The following ADAM9 variants were observed in gnomAD, a reference collection of about 807,000 sequenced individuals.
ADAM9 encodes the protein disintegrin and metalloproteinase domain-containing protein 9.
Under a neutral mutation model 108.1 loss-of-function variants are expected in ADAM9, and 54 were observed. The ratio of observed to expected loss-of-function variants is 0.50; its 90% CI spans 0.40 to 0.63. ADAM9 has a LOEUF of 0.63. ADAM9 is among the 20% of genes least tolerant of loss of function. ADAM9 has a pLI of 0.00. For synonymous variants in ADAM9, 316 were observed against 336.0 expected (o/e 0.94, Z 0.65); for missense variants, 830 against 997.7 (o/e 0.83, Z 2.26).
At position 39,103,967 on chromosome 8, in the gene ADAM9, C is replaced by G. The variant is rs776422935; in HGVS notation, c.*267C>G. The G allele has an allele frequency of 1.6e-6, 1 of 614,152 alleles. No homozygotes were observed. The highest frequency in any genetic ancestry group is 2.1e-5 in the Admixed American group (1 of 47,418). 38.0% of individuals were successfully genotyped at this position (614,152 alleles called of 1,614,324 possible). A position where few individuals can be genotyped will look rare whatever the true frequency, so the allele number is the denominator to read the frequency against. On this transcript the variant is annotated 3_prime_UTR_variant, in exon 22 of 22. Transcript: ENST00000487273. ...TTCAGTCATCGGTGAGGTTAATGCA[C>G]TAATCATGGATTTTTTGAACATGTT...
chr8:39,085,206 G>A (rs1839148506), intron 18 of ADAM9, among the ~76,000 whole-genome samples: 1 of 151,976 alleles, frequency 6.6e-6, no homozygotes, highest in Admixed American at 6.6e-5. Context: ...TAAATTTACT[G>A]TCTTGATATT....
At chr8:39,050,056 T>C (rs534029082) in intron 12 of ADAM9, among the ~76,000 whole-genome samples, 131 of 152,308 alleles carry the variant, frequency 8.6e-4, no homozygotes, top group Non-Finnish European at 1.5e-3. Flanking sequence ...CTTGGCAGTT[T>C]TTTTCTTTCA....
chr8:39,013,924 T>C, intron 3 of ADAM9, 41 bp from the exon 4 acceptor site: 2 of 1,477,580 alleles, frequency 1.4e-6, no homozygotes, highest in Non-Finnish European at 1.9e-6. Flanking sequence ...TAGTTGTAGA[T>C]AGATAACATA....
chr8:39,055,665 C>T lies in ADAM9; in HGVS notation c.1484C>T (p.Pro495Leu), dbSNP rs998741260. The change falls in exon 14 of 22, where the codon CCA (proline) becomes CTA (leucine). Residue 495 changes from proline to leucine, a missense_variant. Physicochemically the swap from Pro to Leu is moderately conservative, Grantham distance 98. Transcript: ENST00000487273. The stretch of plus-strand genomic sequence containing the variant: ...AATGGTTCTTCTCAGTTCTGTCAGC[C>T]AGATGTTTTTATTCAGAATGGATAT... ...YCNGSSQFCQ[P>L]DVFIQNGYPC... The T allele has an allele frequency of 1.2e-5, 20 of 1,613,738 alleles. No individual in the cohort carries two copies. Among genetic ancestry groups the T allele is most frequent in the Non-Finnish European group, 1.6e-5 (19 of 1,179,770 alleles).
At chr8:39,101,654 G>A (rs751927910) in intron 20 of ADAM9, among the ~76,000 whole-genome samples, 4 of 151,948 alleles carry the variant, frequency 2.6e-5, no homozygotes, top group Non-Finnish European at 4.4e-5. Flanking sequence ...CTTGGGTCCC[G>A]TCCCCAAAAT....
chr8:39,006,639 G>A (rs1053322553), intron 1 of ADAM9, among the ~76,000 whole-genome samples: 2 of 151,576 alleles, frequency 1.3e-5, no homozygotes, highest in Admixed American at 6.6e-5. Context: ...CTTATCGAGA[G>A]ACTATGTATT....
At chr8:39,010,908 TGTG>T (rs1200785360) in intron 2 of ADAM9, among the ~76,000 whole-genome samples, 1 of 151,844 alleles carries the variant, frequency 6.6e-6, no homozygotes, top group Non-Finnish European at 1.5e-5. Flanking sequence ...GCCTTACCAA[TGTG>T]GTGAAACCCC....
intron 20 of ADAM9, among the ~76,000 whole-genome samples, chr8:39,100,147 A>ACAGG (rs1839642626): frequency 1.3e-5 from 2 of 151,812 alleles, no homozygotes; most frequent in South Asian, 4.2e-4. Context: ...TGTTGTGATT[A>ACAGG]CAGGCGCCTG....
At chr8:39,094,422 G>T (rs1839440091) in intron 20 of ADAM9, among the ~76,000 whole-genome samples, 2 of 152,118 alleles carry the variant, frequency 1.3e-5, no homozygotes, top group African/African-American at 4.8e-5. Flanking sequence ...TGGTTTCAGG[G>T]TAATGCTGGC....
At chr8:38,999,328 CTTTTT>C (rs33913641) in intron 1 of ADAM9, among the ~76,000 whole-genome samples, 3 of 147,452 alleles carry the variant, frequency 2.0e-5, no homozygotes, top group Non-Finnish European at 3.0e-5. Flanking sequence ...TTTCAGTAAA[CTTTTT>C]TTTTTTTTTT....
intron 19 of ADAM9, among the ~76,000 whole-genome samples, chr8:39,090,775 AT>A (rs1839328571): frequency 6.6e-6 from 1 of 152,182 alleles, no homozygotes; most frequent in South Asian, 2.1e-4. Context: ...CCCCATCTGC[AT>A]TTTTGAAGTT....
At chr8:39,039,412 A>G (rs1837386836) in intron 11 of ADAM9, among the ~76,000 whole-genome samples, 1 of 152,214 alleles carries the variant, frequency 6.6e-6, no homozygotes, top group Non-Finnish European at 1.5e-5. Context: ...GTGTGTGGCA[A>G]AGAGCACCTA....
At chr8:39,022,436 A>G (rs957654041) in intron 8 of ADAM9, among the ~76,000 whole-genome samples, 2 of 152,192 alleles carry the variant, frequency 1.3e-5, no homozygotes, top group Non-Finnish European at 2.9e-5. Context: ...TTAACTCTGT[A>G]TTATATAACA....
intron 18 of ADAM9, among the ~76,000 whole-genome samples, chr8:39,088,028 GA>G (rs1839229944): frequency 6.6e-6 from 1 of 152,042 alleles, no homozygotes; most frequent in African/African-American, 2.4e-5. Context: ...AATCATAAGA[GA>G]AAATATATAT....
chr8:39,041,315 A>G (rs1211278020), intron 11 of ADAM9, among the ~76,000 whole-genome samples: 3 of 151,388 alleles, frequency 2.0e-5, no homozygotes, highest in Non-Finnish European at 4.4e-5. Flanking sequence ...TTAAAGGCCA[A>G]CTAACTTTCA....
At chr8:39,048,531 A>G (rs1439791190) in intron 12 of ADAM9, among the ~76,000 whole-genome samples, 1 of 152,150 alleles carries the variant, frequency 6.6e-6, no homozygotes, top group Non-Finnish European at 1.5e-5. Flanking sequence ...TGTGCCTGAG[A>G]ATAGTATGTA....
At chr8:39,054,247 C>A (rs1838043806) in intron 12 of ADAM9, among the ~76,000 whole-genome samples, 1 of 152,166 alleles carries the variant, frequency 6.6e-6, no homozygotes, top group African/African-American at 2.4e-5. Flanking sequence ...GCATTCTGAG[C>A]AGACTAAGTA....
chr8:39,053,166 C>T (rs1440161282), intron 12 of ADAM9, among the ~76,000 whole-genome samples: 1 of 152,122 alleles, frequency 6.6e-6, no homozygotes, highest in Non-Finnish European at 1.5e-5. Flanking sequence ...TCTTTTCCCT[C>T]ATTTAAAAAT....
At position 38,997,071 on chromosome 8, in the gene ADAM9, C is replaced by G. The variant is rs764765877; in HGVS notation, c.8C>G (p.Ser3Cys). 7 of 1,607,604 alleles carry G rather than the reference C, an allele frequency of 4.4e-6. No individual in the cohort carries two copies. The highest frequency in any genetic ancestry group is 5.9e-6 in the Non-Finnish European group (7 of 1,179,530). Residue 3 changes from serine (S) to cysteine (C), a missense_variant, in exon 1 of 22, where the codon TCT (serine) becomes TGT (cysteine). Coordinates refer to ENST00000487273, the MANE Select transcript of ADAM9 (RefSeq NM_003816.3). ...CCTGCGGAATCGGCCGAGATGGGGT[C>G]TGGCGCGCGCTTTCCCTCGGGGACC... MGSGARFPSGTLR... is the reference protein window; with the variant it reads MGCGARFPSGTLR...
Sources: gnomAD v4.1 joint callset for allele counts (sites outside exome capture counted in the v4.1 genomes callset) on GRCh38, gnomAD v4.1.1 for gene constraint, MANE v1.5 for transcripts, NCBI Gene and HGNC (gene_info 2026-07-23, HGNC 2026-07-21) for gene names.